DCAF6: variants seen among roughly 807,000 people sequenced by gnomAD.
The protein encoded by DCAF6 is DDB1 and CUL4 associated factor 6.
In DCAF6, 54 loss-of-function variants were observed where a neutral mutation model predicts 125.1. That is an observed-to-expected ratio of 0.43 (90% CI 0.35 to 0.54). The LOEUF (loss-of-function observed/expected upper bound fraction) is 0.54, where lower values mean the gene tolerates loss of function less well. Ranked by LOEUF, DCAF6 falls within the 20% of genes least tolerant of loss-of-function variation. The probability of loss-of-function intolerance (pLI) is 0.01; values close to 1 mark genes in which losing one functional copy is unlikely to be tolerated. For missense variants in DCAF6, 934 were observed against 1,161.7 expected (o/e 0.80, Z 2.85); for synonymous variants, 371 against 390.4 (o/e 0.95, Z 0.58).
chr1:167,948,598 A>C (rs193225819), intron 1 of DCAF6, among the ~76,000 whole-genome samples: 1 of 152,352 alleles, frequency 6.6e-6, no homozygotes, highest in East Asian at 1.9e-4. Context: ...ACAACCATTA[A>C]AAATGAGCAA....
intron 12 of DCAF6, among the ~76,000 whole-genome samples, chr1:168,030,916 A>G (rs1046032615): frequency 6.6e-6 from 1 of 152,206 alleles, no homozygotes; most frequent in Non-Finnish European, 1.5e-5. Context: ...AACTAAGTGA[A>G]TGGCTATTTT....
rs777772025 is a variant in DCAF6 at position 168,062,459 on chromosome 1, AGTAAT to A, written c.2301-1160_2301-1156del. Among the ~76,000 whole-genome samples, 107 of 152,292 alleles carry A rather than the reference AGTAAT, an allele frequency of 7.0e-4. 2 individuals carry two copies. Among genetic ancestry groups the A allele is most frequent in the Non-Finnish European group, 4.4e-4 (30 of 68,014 alleles). ...TAAAAACCGCTTTCAAACTCCTCTC[AGTAAT>A]GCCTGTTTTCCTGAACTCTTACCAT... On this transcript the variant is annotated intron_variant, in intron 17 of 21. Transcript: ENST00000367840.
At chr1:167,955,393 A>G (rs541627924) in intron 2 of DCAF6, among the ~76,000 whole-genome samples, 1 of 151,208 alleles carries the variant, frequency 6.6e-6, no homozygotes, top group South Asian at 2.1e-4. Context: ...CAGTGTTAGT[A>G]TGTAGAAATT....
In DCAF6 at chr1:168,068,483, T is replaced by A; in HGVS notation, c.2791+20T>A. 1 of 1,237,728 alleles carries A rather than the reference T, an allele frequency of 8.1e-7. No individual in the cohort carries two copies. Among genetic ancestry groups the A allele is most frequent in the Non-Finnish European group, 1.1e-6 (1 of 922,678 alleles). The allele number at this position is 1,237,728 out of a possible 1,614,324, so 76.7% of individuals were successfully genotyped here. A position where few individuals can be genotyped will look rare whatever the true frequency, so the allele number is the denominator to read the frequency against. On this transcript the variant is annotated intron_variant, in intron 21 of 21. Transcript: ENST00000367840. ...GAGCTGGTAGGAACTTTAAGTATAC[T>A]ACTAAAACCATTTTTATATTTGAAA...
chr1:167,905,238 A>C, the DCAF6 span: 1 of 1,373,694 alleles, frequency 7.3e-7, no homozygotes. Flanking sequence ...TGATATATTC[A>C]TTTGCTCATT....
At chr1:167,966,597 T>G in intron 2 of DCAF6, 32 bp from the exon 3 acceptor site, 1 of 1,372,108 alleles carries the variant, frequency 7.3e-7, no homozygotes, top group Non-Finnish European at 1.0e-6. Flanking sequence ...TATGTCCAAT[T>G]TGCTTATATT....
At chr1:167,970,813 CACTT>C (rs1340119094) in intron 3 of DCAF6, among the ~76,000 whole-genome samples, 4 of 151,960 alleles carry the variant, frequency 2.6e-5, no homozygotes, top group Admixed American at 6.5e-5. Flanking sequence ...AGTTTTGAAA[CACTT>C]AGTTTTTTAA....
intron 2 of DCAF6, among the ~76,000 whole-genome samples, chr1:167,957,215 T>C (rs1674917804): frequency 1.3e-5 from 2 of 152,132 alleles, no homozygotes; most frequent in Admixed American, 1.3e-4. Flanking sequence ...CACTATTTAA[T>C]TCCTCTAATT....
intron 7 of DCAF6, among the ~76,000 whole-genome samples, chr1:167,996,258 C>A (rs550038056): frequency 6.6e-6 from 1 of 150,930 alleles, no homozygotes; most frequent in Admixed American, 6.6e-5. Flanking sequence ...CCTTATTTTT[C>A]TATCCTTTTT....
the DCAF6 span, among the ~76,000 whole-genome samples, chr1:167,889,858 T>C: frequency 2.6e-5 from 4 of 152,244 alleles, no homozygotes; most frequent in Non-Finnish European, 4.4e-5. Flanking sequence ...ATCCTTTGAA[T>C]TTCTGTATTA....
chr1:167,929,831 A>C, the DCAF6 span, among the ~76,000 whole-genome samples: 1 of 152,154 alleles, frequency 6.6e-6, no homozygotes, highest in Non-Finnish European at 1.5e-5. Flanking sequence ...GTGAAAAATA[A>C]AGTTTCTTAC....
upstream of DCAF6, chr1:167,935,658 G>C (rs1671112944): frequency 4.8e-6 from 6 of 1,257,552 alleles, no homozygotes; most frequent in South Asian, 3.9e-5. Flanking sequence ...GCAGTTGTCA[G>C]AGGGCCTCTA....
In DCAF6 at chr1:168,063,687, A is replaced by T; in HGVS notation, c.2367A>T (p.Glu789Asp). 1 of 1,604,636 alleles carries T rather than the reference A, an allele frequency of 6.2e-7. No individual in the cohort carries two copies. Among genetic ancestry groups the T allele is most frequent in the Non-Finnish European group, 8.5e-7 (1 of 1,176,358 alleles). Residue 789 changes from glutamate to aspartate, a missense_variant, in exon 18 of 22, where the codon GAA (glutamate) becomes GAT (aspartate). Glu to Asp is a conservative substitution (Grantham distance 45). This residue lies in a region of DCAF6 where 559 missense variants were observed against 635.5 expected (regional missense o/e 0.88). Coordinates refer to ENST00000367840, the MANE Select transcript of DCAF6 (RefSeq NM_001198956.2). ...RRRKERKEME[E>D]LDTLNIRRPL... is the part of the protein sequence containing the mutation. ...GAAAAGAAAGGAAAGAAATGGAAGAATTGGATACTTTGAACATTAGAAGGC... is the reference window on the plus strand; with the variant it reads ...GAAAAGAAAGGAAAGAAATGGAAGATTTGGATACTTTGAACATTAGAAGGC...
chr1:168,027,580 T>G (rs1234244016), intron 12 of DCAF6, among the ~76,000 whole-genome samples: 1 of 152,170 alleles, frequency 6.6e-6, no homozygotes, highest in Non-Finnish European at 1.5e-5. Context: ...TATGTTTATG[T>G]CACAAAATAT....
the DCAF6 span, among the ~76,000 whole-genome samples, chr1:167,864,550 A>T: frequency 6.6e-6 from 1 of 152,286 alleles, no homozygotes; most frequent in East Asian, 1.9e-4. Context: ...AGAGAGGCAG[A>T]AAGAGAGGAA....
At chr1:167,868,758 A>T in the DCAF6 span, among the ~76,000 whole-genome samples, 1 of 152,250 alleles carries the variant, frequency 6.6e-6, no homozygotes, top group African/African-American at 2.4e-5. Context: ...AATTAAAAAG[A>T]TGATGAATGA....
intron 16 of DCAF6, 80 bp downstream of exon 16, chr1:168,045,307 T>G: frequency 3.8e-6 from 5 of 1,316,382 alleles, no homozygotes; most frequent in African/African-American, 1.5e-5. Context: ...AGGGAATCTC[T>G]CCATTTTTGA....
intron 12 of DCAF6, among the ~76,000 whole-genome samples, chr1:168,025,886 G>C (rs755358152): frequency 6.6e-6 from 1 of 152,102 alleles, no homozygotes; most frequent in Non-Finnish European, 1.5e-5. Context: ...AAACCTACAT[G>C]ACTTGATTTC....
At chr1:167,987,317 A>T (rs1056737571) in intron 4 of DCAF6, among the ~76,000 whole-genome samples, 178 bp from the exon 5 acceptor site, 30 of 152,196 alleles carry the variant, frequency 2.0e-4, no homozygotes, top group African/African-American at 7.2e-4. Flanking sequence ...ATTACTTCTT[A>T]TCTATTTCTA....
Sources: gnomAD v4.1 joint callset for allele counts (sites outside exome capture counted in the v4.1 genomes callset) on GRCh38, gnomAD v4.1.1 for gene constraint, gnomAD v4.1.1 regional missense constraint, MANE v1.5 for transcripts, NCBI Gene and HGNC (gene_info 2026-07-23, HGNC 2026-07-21) for gene names.